MYH14: variants seen among roughly 807,000 people sequenced by gnomAD.
MYH14 encodes myosin-14.
Under a neutral mutation model 255.5 loss-of-function variants are expected in MYH14, and 123 were observed. That is an observed-to-expected ratio of 0.48 (90% CI 0.42 to 0.56). The LOEUF (loss-of-function observed/expected upper bound fraction) is 0.56, where lower values mean the gene tolerates loss of function less well. Ranked by LOEUF, MYH14 falls within the 20% of genes least tolerant of loss-of-function variation. MYH14 has a pLI of 0.00. For missense variants in MYH14, 2,423 were observed against 2,802.3 expected (o/e 0.86, Z 3.06); for synonymous variants, 1,095 against 1,161.2 (o/e 0.94, Z 1.16).
intron 3 of MYH14, 106 bp from the exon 4 acceptor site, chr19:50,222,977 T>C: frequency 8.9e-7 from 1 of 1,129,584 alleles, no homozygotes; most frequent in Non-Finnish European, 1.4e-6. Flanking sequence ...AGCTTTTCCT[T>C]ACTCCCTGGG....
chr19:50,230,409 G>A lies in MYH14; in HGVS notation c.875-116G>A, dbSNP rs1338175895. On this transcript the variant is annotated intron_variant, in intron 8 of 42. Transcript: ENST00000642316. This position sits in a 1 kb window ranked among gnomAD's most constrained non-coding sequence, Gnocchi z 4.7. ...AAAGTCACCAGCCTGGGCTGTGAGCGACTCCACTACACCACAGGAGAGAAG... is the reference window on the plus strand; with the variant it reads ...AAAGTCACCAGCCTGGGCTGTGAGCAACTCCACTACACCACAGGAGAGAAG... The A allele has an allele frequency of 1.2e-5, 11 of 888,024 alleles. No individual in the cohort carries two copies. The highest frequency in any genetic ancestry group is 1.1e-4 in the East Asian group (4 of 37,504). 55.0% of individuals were successfully genotyped at this position (888,024 alleles called of 1,614,324 possible).
chr19:50,289,712 C>A lies in MYH14; in HGVS notation c.4965+64C>A, dbSNP rs2036006406. The A allele has an allele frequency of 2.0e-6, 3 of 1,468,356 alleles. No individual in the cohort carries two copies. The African/African-American group carries it at 4.2e-5, about 20-fold the overall frequency. 91.0% of individuals were successfully genotyped at this position (1,468,356 alleles called of 1,614,324 possible). On this transcript the variant is annotated intron_variant, in intron 35 of 42. Coordinates refer to ENST00000642316, the MANE Select transcript of MYH14 (RefSeq NM_001145809.2). ...TGGGGTATGCCATGGTGTGTACAGG[C>A]AGCAAGAAGGGCAGCAAGGGGTCTC...
At chr19:50,242,624 A>C (rs1026341708) in intron 10 of MYH14, among the ~76,000 whole-genome samples, 2 of 152,212 alleles carry the variant, frequency 1.3e-5, no homozygotes, top group Admixed American at 6.5e-5. Flanking sequence ...GGCTGGGGAC[A>C]CAGCCAAACC....
At chr19:50,299,319 C>T (rs1376945700) in intron 39 of MYH14, among the ~76,000 whole-genome samples, 1 of 151,994 alleles carries the variant, frequency 6.6e-6, no homozygotes, top group African/African-American at 2.4e-5. Context: ...TCTGTGATTC[C>T]AGCACTTTGG....
Position 50,223,298 on chromosome 19 carries a change from C to T in MYH14, c.642C>T (p.Tyr214=), listed in dbSNP as rs1420133673. Residue 214 remains tyrosine (Y), a synonymous_variant, in exon 5 of 43, where the codon TAC becomes TAT. Coordinates refer to ENST00000642316, the MANE Select transcript of MYH14 (RefSeq NM_001145809.2). ...AAAACACCAAGAAGGTCATCCAGTA[C>T]CTCGCCCACGTGGCGTCGTCTCCAA... ...KTENTKKVIQ[Y]LAHVASSPKG... 6.2e-7 allele frequency: 1 copy of T among 1,605,016 alleles called. No individual in the cohort carries two copies. Among genetic ancestry groups the T allele is most frequent in the African/African-American group, 1.3e-5 (1 of 74,872 alleles).
intron 10 of MYH14, among the ~76,000 whole-genome samples, chr19:50,236,860 G>A (rs1306747122): frequency 2.0e-5 from 3 of 152,238 alleles, no homozygotes; most frequent in African/African-American, 4.8e-5. Flanking sequence ...AGCATTTTGT[G>A]TATTCATAGA....
intron 26 of MYH14, 121 bp downstream of exon 26, chr19:50,272,093 A>C: frequency 1.5e-6 from 2 of 1,355,326 alleles, no homozygotes; most frequent in Non-Finnish European, 2.0e-6. Context: ...AGGAAGGCTC[A>C]GGGCAGATTG....
chr19:50,263,676 C>T (rs1224092794), intron 22 of MYH14, among the ~76,000 whole-genome samples: 1 of 152,172 alleles, frequency 6.6e-6, no homozygotes, highest in Non-Finnish European at 1.5e-5. Context: ...GACTTCTGTT[C>T]AAGGATTTGC....
chr19:50,279,172 T>C (rs1447588340), intron 30 of MYH14, among the ~76,000 whole-genome samples: 1 of 152,076 alleles, frequency 6.6e-6, no homozygotes, highest in East Asian at 1.9e-4. Context: ...AGGGAACCAC[T>C]AATCTCCTTT....
At chr19:50,302,590 AAAAG>A (rs915651619) in intron 40 of MYH14, among the ~76,000 whole-genome samples, 2 of 150,404 alleles carry the variant, frequency 1.3e-5, no homozygotes, top group African/African-American at 4.9e-5. Context: ...TTAAAAAAAA[AAAAG>A]AAAGAAAAAA....
At position 50,223,241 on chromosome 19, in the gene MYH14, C is replaced by A. The variant is rs1313005275; in HGVS notation, c.591-6C>A. Reference sequence around the variant, plus strand: ...ACCCCTTTGCTTCCCCTTGTCATCCCCACAGTGGAGAGTCTGGAGCTGGGA... The same window carrying A: ...ACCCCTTTGCTTCCCCTTGTCATCCACACAGTGGAGAGTCTGGAGCTGGGA... On this transcript the variant is annotated splice_region_variant and splice_polypyrimidine_tract_variant and intron_variant, in intron 4 of 42. Transcript: ENST00000642316. 6.2e-7 allele frequency: 1 copy of A among 1,613,490 alleles called. No individual in the cohort carries two copies. Among genetic ancestry groups the A allele is most frequent in the Non-Finnish European group, 8.5e-7 (1 of 1,179,522 alleles).
At chr19:50,303,603 G>C (rs2036564158) in intron 40 of MYH14, among the ~76,000 whole-genome samples, 1 of 151,632 alleles carries the variant, frequency 6.6e-6, no homozygotes, top group African/African-American at 2.4e-5. Context: ...ATACAGAAAG[G>C]GGTGAGAACT....
intron 17 of MYH14, among the ~76,000 whole-genome samples, chr19:50,256,073 T>G (rs975095758): frequency 4.0e-5 from 6 of 150,996 alleles, no homozygotes; most frequent in African/African-American, 1.5e-4. Context: ...AGGACAAGAG[T>G]TTGAGATTAG....
intron 22 of MYH14, among the ~76,000 whole-genome samples, chr19:50,263,754 A>T (rs549881668): frequency 1.3e-5 from 2 of 152,156 alleles, no homozygotes; most frequent in Non-Finnish European, 2.9e-5. Flanking sequence ...ATACAAAGAT[A>T]CAGATTGAAA....
rs1291240796 is a variant in MYH14, at chr19:50,257,312, G to A, written c.2058G>A (p.Val686=). Residue 686 remains valine, a synonymous_variant, in exon 18 of 43, where the codon GTG becomes GTA. Transcript: ENST00000642316. ...AISPPGVEGI[V]GLEQVSSLGD... is the part of the protein sequence containing the mutation. ...TCCATCTGACAGTGGAGGGCATCGT[G>A]GGGCTGGAACAGGTGAGCAGCCTGG... The A allele has an allele frequency of 6.2e-7, 1 of 1,602,656 alleles. No individual in the cohort carries two copies. The highest frequency in any genetic ancestry group is 8.5e-7 in the Non-Finnish European group (1 of 1,172,610).
Position 50,283,797 on chromosome 19 carries a change from C to T in MYH14, c.4539+1955C>T, listed in dbSNP as rs180722941. ...TTTTGAAAATTCTTTATGGGCCGGG[C>T]ACGGTGGCTCATGCCTGGTAATCCC... On this transcript the variant is annotated intron_variant, in intron 33 of 42. Coordinates refer to ENST00000642316, the MANE Select transcript of MYH14 (RefSeq NM_001145809.2). Among the ~76,000 whole-genome samples the T allele has an allele frequency of 5.3e-5, 8 of 152,262 alleles. No individual in the cohort carries two copies. The East Asian group carries it at 1.4e-3, about 26-fold the overall frequency.
chr19:50,224,756 T>C, intron 6 of MYH14: 1 of 456,222 alleles, frequency 2.2e-6, no homozygotes, highest in Non-Finnish European at 4.4e-6. Context: ...GAAGGCCTAT[T>C]ATATGCCAGA....
chr19:50,299,431 C>T (rs983271748), intron 39 of MYH14, among the ~76,000 whole-genome samples: 3 of 150,920 alleles, frequency 2.0e-5, no homozygotes, highest in East Asian at 2.0e-4. Context: ...ATGAGCCGGA[C>T]GTGGTGGTGT....
In MYH14 at chr19:50,261,598, T is replaced by C; in HGVS notation, c.2548T>C (p.Ser850Pro). ...CCTGAAGGTCACCGACATCATCGTCTCCTTCCAGGCAGCTGCCCGGGGATA... is the reference window on the plus strand; with the variant it reads ...CCTGAAGGTCACCGACATCATCGTCCCCTTCCAGGCAGCTGCCCGGGGATA... ...RDLKVTDIIV[S>P]FQAAARGYLA... The change falls in exon 21 of 43, where the codon TCC becomes CCC. Residue 850 changes from serine (S) to proline (P), a missense_variant. By Grantham distance (74) the Ser-to-Pro change is moderately conservative (BLOSUM62 -1). Transcript: ENST00000642316. 1 of 1,604,130 alleles carries C rather than the reference T, an allele frequency of 6.2e-7. No individual in the cohort carries two copies. The highest frequency in any genetic ancestry group is 1.1e-5 in the South Asian group (1 of 89,850).
Sources: allele counts gnomAD v4.1 joint callset (sites outside exome capture counted in the v4.1 genomes callset), GRCh38; gene constraint gnomAD v4.1.1; non-coding constraint Gnocchi (gnomAD v3.1); transcripts MANE v1.5; gene names NCBI Gene and HGNC (gene_info 2026-07-23, HGNC 2026-07-21).